Variants in SEL1L2 observed in about 807,000 individuals in gnomAD.
SEL1L2 encodes the protein SEL1L2 adaptor subunit of SYVN1 ubiquitin ligase, also known as protein sel-1 homolog 2.
In SEL1L2, 89 loss-of-function variants were observed where a neutral mutation model predicts 98.8. That is an observed-to-expected ratio of 0.90 (90% CI 0.76 to 1.07). SEL1L2 has a LOEUF of 1.07. Ranked by LOEUF, SEL1L2 falls within the 50% of genes least tolerant of loss-of-function variation. The pLI is 0.00. For synonymous variants in SEL1L2, 262 were observed against 278.5 expected (o/e 0.94, Z 0.59); for missense variants, 788 against 812.0 (o/e 0.97, Z 0.36).
chr20:13,880,553 C>T (rs2046646209), intron 10 of SEL1L2, among the ~76,000 whole-genome samples: 2 of 152,170 alleles, frequency 1.3e-5, no homozygotes, highest in South Asian at 2.1e-4. Flanking sequence ...GATGGATATA[C>T]ACGAGCCAAC....
intron 18 of SEL1L2, among the ~76,000 whole-genome samples, chr20:13,850,910 A>G (rs1047464164): frequency 6.6e-6 from 1 of 152,144 alleles, no homozygotes; most frequent in African/African-American, 2.4e-5. Context: ...ATACCCCTGG[A>G]ACAGCTCCTA....
intron 3 of SEL1L2, among the ~76,000 whole-genome samples, chr20:13,920,178 A>C (rs1451667651): frequency 6.8e-6 from 1 of 146,904 alleles, no homozygotes; most frequent in African/African-American, 2.5e-5. Context: ...CAGTGAGCTG[A>C]GATCAGGCCA....
intron 2 of SEL1L2, among the ~76,000 whole-genome samples, chr20:13,949,556 G>A (rs893216079): frequency 1.3e-5 from 2 of 152,060 alleles, no homozygotes; most frequent in Admixed American, 1.3e-4. Context: ...CCCAGCTATC[G>A]GGAGGCTGAG....
chr20:13,945,908 C>G (rs2049985522), intron 2 of SEL1L2, among the ~76,000 whole-genome samples: 1 of 151,912 alleles, frequency 6.6e-6, no homozygotes, highest in Non-Finnish European at 1.5e-5. Context: ...AAAAAGCATT[C>G]AACAAACAAA....
intron 2 of SEL1L2, among the ~76,000 whole-genome samples, chr20:13,955,154 C>A (rs896934792): frequency 1.3e-5 from 2 of 152,036 alleles, no homozygotes; most frequent in Admixed American, 6.6e-5. Context: ...CAAACAAAAC[C>A]CTTGCTCTCA....
At chr20:13,902,948 T>C (rs1271252430) in intron 5 of SEL1L2, among the ~76,000 whole-genome samples, 1 of 151,880 alleles carries the variant, frequency 6.6e-6, no homozygotes, top group Non-Finnish European at 1.5e-5. Flanking sequence ...AAACCCCGTC[T>C]CTACTAAAAA....
At chr20:13,986,358 C>T (rs773321013) in intron 1 of SEL1L2, among the ~76,000 whole-genome samples, 14 of 152,196 alleles carry the variant, frequency 9.2e-5, no homozygotes, top group Non-Finnish European at 2.1e-4. Flanking sequence ...AAAACTTCAT[C>T]ATCCCGGAAG....
intron 3 of SEL1L2, among the ~76,000 whole-genome samples, chr20:13,930,098 T>C (rs971827584): frequency 6.6e-6 from 1 of 152,200 alleles, no homozygotes; most frequent in African/African-American, 2.4e-5. Flanking sequence ...GCCTTCTGAT[T>C]GCCATTCTAG....
intron 8 of SEL1L2, 139 bp from the exon 9 acceptor site, chr20:13,886,581 G>A: frequency 1.3e-6 from 1 of 783,664 alleles, no homozygotes; most frequent in Non-Finnish European, 1.9e-6. Flanking sequence ...GAAGATCCAT[G>A]AAAAATAGAA....
At chr20:13,872,980 C>T (rs2046272330) in intron 12 of SEL1L2, among the ~76,000 whole-genome samples, 1 of 151,698 alleles carries the variant, frequency 6.6e-6, no homozygotes. Flanking sequence ...CAGCGTTTGC[C>T]ATTTTCTTTT....
At chr20:13,869,196 C>G (rs552814142) in intron 14 of SEL1L2, among the ~76,000 whole-genome samples, 15 of 152,102 alleles carry the variant, frequency 9.9e-5, no homozygotes, top group Non-Finnish European at 1.8e-4. Context: ...GCTGATGCCT[C>G]TCGAACCTTC....
At chr20:13,906,956 G>C (rs1215898214) in intron 5 of SEL1L2, among the ~76,000 whole-genome samples, 2 of 152,124 alleles carry the variant, frequency 1.3e-5, no homozygotes, top group African/African-American at 4.8e-5. Context: ...TGGGATTACA[G>C]GCATGAGCCA....
At chr20:13,916,597 G>A (rs1032421149) in intron 4 of SEL1L2, among the ~76,000 whole-genome samples, 1 of 152,196 alleles carries the variant, frequency 6.6e-6, no homozygotes, top group African/African-American at 2.4e-5. Flanking sequence ...CTTCAACTCA[G>A]GAGTTTGAGA....
intron 1 of SEL1L2, among the ~76,000 whole-genome samples, chr20:13,959,136 A>G (rs1407360629): frequency 6.6e-6 from 1 of 152,154 alleles, no homozygotes; most frequent in East Asian, 1.9e-4. Context: ...AAAGCTTGAT[A>G]AGTGGGTGCC....
At chr20:13,977,258 G>A (rs1764752837) in intron 1 of SEL1L2, among the ~76,000 whole-genome samples, 1 of 152,132 alleles carries the variant, frequency 6.6e-6, no homozygotes, top group Non-Finnish European at 1.5e-5. Flanking sequence ...AGAATATGAA[G>A]AGCAAGAAAG....
intron 2 of SEL1L2, among the ~76,000 whole-genome samples, chr20:13,940,363 G>A (rs1026636389): frequency 6.6e-6 from 1 of 152,174 alleles, no homozygotes; most frequent in Non-Finnish European, 1.5e-5. Context: ...AGGACAGTAA[G>A]TACGAATGCC....
At chr20:13,982,438 G>A (rs950727599) in intron 1 of SEL1L2, among the ~76,000 whole-genome samples, 3 of 148,948 alleles carry the variant, frequency 2.0e-5, no homozygotes, top group East Asian at 2.0e-4. Context: ...TTGAGCCTGG[G>A]AAGTCGAGCC....
chr20:13,886,531 A>C, intron 8 of SEL1L2, 89 bp from the exon 9 acceptor site: 1 of 1,065,178 alleles, frequency 9.4e-7, no homozygotes. Context: ...TTAGCTTATT[A>C]TCTTAAATTG....
intron 5 of SEL1L2, among the ~76,000 whole-genome samples, chr20:13,903,285 T>C (rs1447146079): frequency 6.6e-6 from 1 of 152,216 alleles, no homozygotes; most frequent in Non-Finnish European, 1.5e-5. Context: ...ATGGATGTGC[T>C]ATGGTAGATG....
Sources: allele counts gnomAD v4.1 joint callset (sites outside exome capture counted in the v4.1 genomes callset), GRCh38; gene constraint gnomAD v4.1.1; transcripts MANE v1.5; gene names NCBI Gene and HGNC (gene_info 2026-07-23, HGNC 2026-07-21).